The following RBFOX1 variants were observed in gnomAD, a reference collection of about 807,000 sequenced individuals.
RBFOX1 encodes RNA binding protein fox-1 homolog 1.
In RBFOX1, 8 loss-of-function variants were observed where a neutral mutation model predicts 57.7. The observed-to-expected ratio is 0.14, with a 90% CI of 0.08 to 0.25. The LOEUF (loss-of-function observed/expected upper bound fraction) is 0.25, where lower values mean the gene tolerates loss of function less well. RBFOX1 is among the 10% of genes least tolerant of loss of function. RBFOX1 has a pLI of 1.00. For synonymous variants in RBFOX1, 326 were observed against 222.4 expected, an observed-to-expected ratio of 1.47 and a Z score of -4.15; for missense variants, 611 against 548.5, an observed-to-expected ratio of 1.11 and a Z score of -1.14.
intron 4 of RBFOX1, among the ~76,000 whole-genome samples, chr16:7,265,958 G>GTTTTGTTTTTTTTTTTTTTT (rs1567956407): frequency 9.3e-6 from 1 of 107,604 alleles, no homozygotes. Flanking sequence ...GATCTGGTGG[G>GTTTTGTTTTTTTTTTTTTTT]TTTTTGTTTT....
intron 4 of RBFOX1, among the ~76,000 whole-genome samples, chr16:7,106,810 CTG>C (rs2063668313): frequency 6.6e-6 from 1 of 151,766 alleles, no homozygotes; most frequent in Admixed American, 6.6e-5. Flanking sequence ...AAGGTGTCTG[CTG>C]GACAGCATTA....
chr16:7,630,814 AT>A (rs2060827557), intron 11 of RBFOX1, 131 bp downstream of exon 11: 1 of 1,465,828 alleles, frequency 6.8e-7, no homozygotes, highest in African/African-American at 1.4e-5. Context: ...GGTGAAGTTA[AT>A]TTTCATAAGC....
chr16:7,377,060 G>T (rs1489308770), intron 4 of RBFOX1, among the ~76,000 whole-genome samples: 2 of 152,170 alleles, frequency 1.3e-5, no homozygotes, highest in Non-Finnish European at 2.9e-5. Flanking sequence ...AGGTATAAAT[G>T]TTTAAAATTA....
chr16:6,972,211 A>G (rs983288475), intron 3 of RBFOX1, among the ~76,000 whole-genome samples: 6 of 152,116 alleles, frequency 3.9e-5, no homozygotes, highest in Admixed American at 1.3e-4. Flanking sequence ...TTCATCCTCT[A>G]AATCTGAAAC....
At chr16:5,535,966 C>T (rs867448951) in intron 2 of RBFOX1, among the ~76,000 whole-genome samples, 9 of 152,058 alleles carry the variant, frequency 5.9e-5, no homozygotes, top group African/African-American at 9.7e-5. Flanking sequence ...TTGATCTTTC[C>T]GATGAGTTAG....
intron 2 of RBFOX1, among the ~76,000 whole-genome samples, chr16:5,555,463 C>G (rs1443111454): frequency 6.6e-6 from 1 of 151,738 alleles, no homozygotes; most frequent in Non-Finnish European, 1.5e-5. Context: ...CTTGACCAGG[C>G]TGGTCTTGAA....
intron 3 of RBFOX1, among the ~76,000 whole-genome samples, chr16:5,734,826 T>C (rs1349160299): frequency 6.6e-6 from 1 of 152,084 alleles, no homozygotes; most frequent in Non-Finnish European, 1.5e-5. Context: ...GGAAGGGAGA[T>C]AAGGGTGTTT....
intron 3 of RBFOX1, among the ~76,000 whole-genome samples, chr16:6,970,434 A>G (rs2085281941): frequency 6.6e-6 from 1 of 152,104 alleles, no homozygotes; most frequent in Admixed American, 6.5e-5. Flanking sequence ...CTACATCAAG[A>G]TACCTTAGCC....
intron 4 of RBFOX1, among the ~76,000 whole-genome samples, chr16:7,163,207 TAAAGC>T (rs542846212): frequency 9.9e-5 from 15 of 152,192 alleles, no homozygotes; most frequent in Non-Finnish European, 1.9e-4. Flanking sequence ...TTGCCTGAGT[TAAAGC>T]AGGGGGAGTC....
chr16:7,670,816 A>G (rs1358067240), intron 13 of RBFOX1, among the ~76,000 whole-genome samples: 1 of 152,110 alleles, frequency 6.6e-6, no homozygotes, highest in Non-Finnish European at 1.5e-5. Context: ...AACTGTGACC[A>G]CTCACATGGA....
chr16:5,856,575 G>GTATATATATATATATATATATATATATA (rs375112636), intron 3 of RBFOX1, among the ~76,000 whole-genome samples: 6 of 32,918 alleles, frequency 1.8e-4, no homozygotes, highest in African/African-American at 3.8e-4. Context: ...GTGTGTGTGT[G>GTATATATATATATATATATATATATATA]TATATATATA....
intron 3 of RBFOX1, among the ~76,000 whole-genome samples, chr16:5,652,001 A>T (rs2049256305): frequency 6.6e-6 from 1 of 152,130 alleles, no homozygotes; most frequent in Non-Finnish European, 1.5e-5. Flanking sequence ...GGGCTTGGTG[A>T]CACATGCCTA....
intron 3 of RBFOX1, among the ~76,000 whole-genome samples, chr16:5,653,446 G>C (rs143880528): frequency 0.016 from 2,370 of 150,706 alleles, 36 homozygotes; most frequent in South Asian, 0.032. Context: ...GTGGAGCCGT[G>C]TGCTCCACCT....
chr16:7,411,902 CAAAAAAAAAAA>C (rs60700135), intron 4 of RBFOX1, among the ~76,000 whole-genome samples: 18 of 95,396 alleles, frequency 1.9e-4, no homozygotes, highest in Admixed American at 4.9e-4. Context: ...AAACTCCTTT[CAAAAAAAAAAA>C]AAAAAAAAAA....
At chr16:5,435,435 C>A (rs534462208) in intron 1 of RBFOX1, among the ~76,000 whole-genome samples, 1 of 152,240 alleles carries the variant, frequency 6.6e-6, no homozygotes, top group East Asian at 1.9e-4. Context: ...TCAATCCCTT[C>A]CCAACGCCAA....
chr16:7,226,816 A>T (rs903455233), intron 4 of RBFOX1, among the ~76,000 whole-genome samples: 3 of 152,228 alleles, frequency 2.0e-5, no homozygotes, highest in Non-Finnish European at 2.9e-5. Flanking sequence ...TCAGTGAGCA[A>T]ATTATCTCAT....
chr16:6,535,716 G>A (rs912696127), intron 2 of RBFOX1, among the ~76,000 whole-genome samples: 3 of 152,148 alleles, frequency 2.0e-5, no homozygotes, highest in South Asian at 2.1e-4. Flanking sequence ...ACAGCCCTTC[G>A]AGCAAGGGCT....
intron 3 of RBFOX1, among the ~76,000 whole-genome samples, chr16:6,921,625 G>GTA (rs146354998): frequency 1.1e-3 from 143 of 135,240 alleles, no homozygotes; most frequent in Middle Eastern, 3.9e-3. Flanking sequence ...ATAAATTACT[G>GTA]TATATATATA....
intron 2 of RBFOX1, among the ~76,000 whole-genome samples, chr16:6,423,430 C>G (rs946380160): frequency 6.6e-6 from 1 of 151,988 alleles, no homozygotes; most frequent in African/African-American, 2.4e-5. Flanking sequence ...GAGACCCCGT[C>G]TCTACTAAAA....
Sources: gnomAD v4.1 joint callset for allele counts (sites outside exome capture counted in the v4.1 genomes callset) on GRCh38, gnomAD v4.1.1 for gene constraint, MANE v1.5 for transcripts, NCBI Gene and HGNC (gene_info 2026-07-23, HGNC 2026-07-21) for gene names.